The following PLXNA4 variants were observed in gnomAD, a reference collection of about 807,000 sequenced individuals.
PLXNA4 encodes the protein plexin-A4.
A neutral mutation model predicts 191.8 loss-of-function variants in PLXNA4; 44 were observed. The observed-to-expected ratio is 0.23, with a 90% CI of 0.18 to 0.29. The LOEUF is 0.29. Ranked by LOEUF, PLXNA4 falls within the 10% of genes least tolerant of loss-of-function variation. PLXNA4 has a pLI of 1.00. For synonymous variants in PLXNA4, 1,082 were observed against 1,009.5 expected (o/e 1.07, Z -1.36); for missense variants, 1,800 against 2,488.8 (o/e 0.72, Z 5.89).
intron 25 of PLXNA4, among the ~76,000 whole-genome samples, chr7:132,154,413 GTT>G (rs56270651): frequency 0.6 from 87,991 of 146,812 alleles, 30,956 homozygotes; most frequent in East Asian, 0.82. Flanking sequence ...AAAACGTTCT[GTT>G]TTTTTTTTTT....
At chr7:132,639,514 C>T (rs1250942160) in intron 2 of PLXNA4, among the ~76,000 whole-genome samples, 1 of 152,156 alleles carries the variant, frequency 6.6e-6, no homozygotes, top group African/African-American at 2.4e-5. Context: ...TTCACTGAAG[C>T]CCTGCCAAGA....
At chr7:132,365,642 C>A (rs1436903543) in intron 3 of PLXNA4, among the ~76,000 whole-genome samples, 2 of 152,108 alleles carry the variant, frequency 1.3e-5, no homozygotes. Context: ...AAGTGCAAAT[C>A]CAGGGCTCCT....
chr7:132,543,904 AG>A (rs2116521061), intron 1 of PLXNA4, among the ~76,000 whole-genome samples: 1 of 152,368 alleles, frequency 6.6e-6, no homozygotes, highest in Admixed American at 6.5e-5. Flanking sequence ...TATCTGAGCT[AG>A]GGCTATGGTG....
intron 4 of PLXNA4, among the ~76,000 whole-genome samples, chr7:132,263,562 T>C (rs138267940): frequency 1.3e-5 from 2 of 152,310 alleles, no homozygotes; most frequent in East Asian, 1.9e-4. Context: ...GCTTTACCCA[T>C]AGTTAGAAGA....
chr7:132,211,245 G>A, intron 9 of PLXNA4, 102 bp from the exon 10 acceptor site: 2 of 1,283,634 alleles, frequency 1.6e-6, no homozygotes, highest in Non-Finnish European at 2.1e-6. Context: ...ACCCTTCCAT[G>A]GACACACCCA....
intron 21 of PLXNA4, among the ~76,000 whole-genome samples, chr7:132,170,910 T>C (rs7341538): frequency 0.36 from 54,741 of 152,160 alleles, 11,460 homozygotes; most frequent in African/African-American, 0.57. Context: ...CAGCTAGAGA[T>C]AAACAGGCTA....
At chr7:132,511,664 C>T (rs577038122) in intron 1 of PLXNA4, among the ~76,000 whole-genome samples, 2 of 152,156 alleles carry the variant, frequency 1.3e-5, no homozygotes, top group East Asian at 1.9e-4. Context: ...TAGTTGCTGT[C>T]GTTGTTATCG....
intron 4 of PLXNA4, among the ~76,000 whole-genome samples, chr7:132,290,297 T>C (rs773506755): frequency 6.6e-6 from 1 of 152,212 alleles, no homozygotes; most frequent in Non-Finnish European, 1.5e-5. Flanking sequence ...GAGAGGCAGA[T>C]ACATTGAAAT....
chr7:132,131,891 T>C (rs1029316089), intron 31 of PLXNA4, among the ~76,000 whole-genome samples: 1 of 152,238 alleles, frequency 6.6e-6, no homozygotes. Context: ...AGAATTAGGC[T>C]GTTCATGGCC....
chr7:132,259,436 CAAAAAAAAAAAAAAAAAAAAA>C (rs55902635), intron 4 of PLXNA4, among the ~76,000 whole-genome samples: 6 of 33,866 alleles, frequency 1.8e-4, no homozygotes, highest in African/African-American at 2.2e-4. Flanking sequence ...AACTCCAACT[CAAAAAAAAAAAAAAAAAAAAA>C]AAAAAAAAAA....
chr7:132,203,699 C>A (rs1011887050), intron 10 of PLXNA4, among the ~76,000 whole-genome samples: 2 of 152,212 alleles, frequency 1.3e-5, no homozygotes, highest in Non-Finnish European at 1.5e-5. Context: ...CAGATGGGAG[C>A]AAGCCACTAG....
intron 3 of PLXNA4, among the ~76,000 whole-genome samples, chr7:132,365,360 T>TGTGTGCGCGCGC: frequency 0.01 from 1,337 of 128,724 alleles, 30 homozygotes; most frequent in East Asian, 0.086. Flanking sequence ...TGTGTGTGTG[T>TGTGTGCGCGCGC]GCGTGCGCGC....
At chr7:132,198,462 G>A in intron 13 of PLXNA4, 23 bp downstream of exon 13, 1 of 1,611,366 alleles carries the variant, frequency 6.2e-7, no homozygotes. Flanking sequence ...TGTTCCTCCT[G>A]TGTTGCATGC....
At chr7:132,339,755 G>A (rs1802952584) in intron 3 of PLXNA4, among the ~76,000 whole-genome samples, 1 of 151,974 alleles carries the variant, frequency 6.6e-6, no homozygotes, top group Non-Finnish European at 1.5e-5. Context: ...AATATTCAGG[G>A]GCCCCCACAC....
chr7:132,286,821 T>A (rs1056538500), intron 4 of PLXNA4, among the ~76,000 whole-genome samples: 5 of 152,208 alleles, frequency 3.3e-5, no homozygotes, highest in African/African-American at 1.2e-4. Flanking sequence ...TAGCTCTCTC[T>A]GATTAGGGTG....
At chr7:132,374,105 C>G (rs984311830) in intron 3 of PLXNA4, among the ~76,000 whole-genome samples, 5 of 152,170 alleles carry the variant, frequency 3.3e-5, no homozygotes, top group Non-Finnish European at 5.9e-5. Flanking sequence ...GTGAAGATGG[C>G]AGCTTGGCTC....
upstream of PLXNA4, among the ~76,000 whole-genome samples, chr7:132,580,273 A>G (rs1802378231): frequency 6.6e-6 from 1 of 152,160 alleles, no homozygotes; most frequent in South Asian, 2.1e-4. Context: ...ATAAATACAC[A>G]GGCAAAAGCA....
intron 2 of PLXNA4, among the ~76,000 whole-genome samples, chr7:132,641,384 C>G (rs1803740219): frequency 6.6e-6 from 1 of 152,180 alleles, no homozygotes; most frequent in African/African-American, 2.4e-5. Context: ...TGCATCCTTA[C>G]ATGGCCTTTC....
intron 3 of PLXNA4, among the ~76,000 whole-genome samples, chr7:132,351,829 G>T (rs1036981177): frequency 6.6e-6 from 1 of 152,096 alleles, no homozygotes; most frequent in Admixed American, 6.6e-5. Context: ...GCCTCTCTTG[G>T]TCATTCCACA....
Sources: gnomAD v4.1 joint callset for allele counts (sites outside exome capture counted in the v4.1 genomes callset) on GRCh38, gnomAD v4.1.1 for gene constraint, MANE v1.5 for transcripts, NCBI Gene and HGNC (gene_info 2026-07-23, HGNC 2026-07-21) for gene names.